DIP2C: variants seen among roughly 807,000 people sequenced by gnomAD.
DIP2C encodes disco-interacting protein 2 homolog C.
A neutral mutation model predicts 192.4 loss-of-function variants in DIP2C; 33 were observed. The observed-to-expected ratio is 0.17, with a 90% CI of 0.13 to 0.23. The LOEUF (loss-of-function observed/expected upper bound fraction) is 0.23, where lower values mean the gene tolerates loss of function less well. Among genes scored for constraint, DIP2C ranks in the 10% least tolerant of loss-of-function variants. The pLI is 1.00. For synonymous variants in DIP2C, 979 were observed against 864.1 expected (o/e 1.13, Z -2.33); for missense variants, 1,537 against 2,110.1 (o/e 0.73, Z 5.32).
intron 3 of DIP2C, among the ~76,000 whole-genome samples, chr10:467,336 T>A (rs1331240021): frequency 2.3e-5 from 3 of 127,752 alleles, no homozygotes; most frequent in Non-Finnish European, 3.2e-5. Flanking sequence ...AACAATGAGA[T>A]CACATGGACA....
At chr10:428,392 C>G (rs761139972) in intron 4 of DIP2C, among the ~76,000 whole-genome samples, 1 of 152,166 alleles carries the variant, frequency 6.6e-6, no homozygotes, top group Admixed American at 6.5e-5. Flanking sequence ...GTCGTTTCAT[C>G]CGTGTTTATA....
chr10:473,274 T>C (rs951024311), intron 2 of DIP2C, among the ~76,000 whole-genome samples: 2 of 152,228 alleles, frequency 1.3e-5, no homozygotes, highest in Non-Finnish European at 2.9e-5. Flanking sequence ...TAGACAAAAC[T>C]AAGCCCCCAA....
chr10:431,575 CT>C (rs984481068), intron 4 of DIP2C, among the ~76,000 whole-genome samples: 1 of 152,174 alleles, frequency 6.6e-6, no homozygotes. Context: ...ACATGAGCCA[CT>C]TTTTTATTTC....
At chr10:621,538 C>A (rs1853852091) in intron 1 of DIP2C, among the ~76,000 whole-genome samples, 1 of 152,210 alleles carries the variant, frequency 6.6e-6, no homozygotes, top group Admixed American at 6.5e-5. Context: ...TACATCTGTC[C>A]CTGCAGCCTG....
chr10:444,735 C>T (rs1053078487), intron 3 of DIP2C, among the ~76,000 whole-genome samples: 9 of 152,228 alleles, frequency 5.9e-5, no homozygotes, highest in Middle Eastern at 3.2e-3. Context: ...TGGAACTCAT[C>T]GCCGTTGCCT....
intron 1 of DIP2C, among the ~76,000 whole-genome samples, chr10:563,653 A>G (rs901163806): frequency 3.2e-4 from 48 of 152,376 alleles, no homozygotes; most frequent in African/African-American, 1.1e-3. Context: ...AGCATTTGTT[A>G]GCAAAGCAAG....
intron 14 of DIP2C, among the ~76,000 whole-genome samples, chr10:387,172 C>CA (rs1963022590): frequency 6.6e-6 from 1 of 152,214 alleles, no homozygotes; most frequent in Admixed American, 6.5e-5. Context: ...TACTGAATGC[C>CA]AAAAGTGCGG....
At chr10:508,656 A>AT (rs1039264420) in intron 1 of DIP2C, among the ~76,000 whole-genome samples, 12 of 152,088 alleles carry the variant, frequency 7.9e-5, no homozygotes, top group Non-Finnish European at 1.6e-4. Flanking sequence ...GCTGAATGGG[A>AT]TCATGCAAAG....
intron 2 of DIP2C, among the ~76,000 whole-genome samples, chr10:477,198 C>G (rs1038071184): frequency 3.7e-5 from 5 of 135,022 alleles, no homozygotes; most frequent in Non-Finnish European, 6.3e-5. Context: ...AAAGAATAGA[C>G]AAATGGATGG....
chr10:340,785 G>A (rs1240068034), intron 29 of DIP2C: 1 of 458,214 alleles, frequency 2.2e-6, no homozygotes, highest in Admixed American at 2.3e-5. Flanking sequence ...TCACCTCTGG[G>A]CTTGCCCAGC....
At chr10:520,644 G>A (rs199572066) in intron 1 of DIP2C, among the ~76,000 whole-genome samples, 2 of 152,252 alleles carry the variant, frequency 1.3e-5, no homozygotes, top group African/African-American at 2.4e-5. Context: ...AGCTCCTTCC[G>A]CACTCCCCCG....
chr10:621,288 T>G (rs970838517), intron 1 of DIP2C, among the ~76,000 whole-genome samples: 2 of 150,844 alleles, frequency 1.3e-5, no homozygotes, highest in African/African-American at 4.9e-5. Flanking sequence ...ACACGCTCTG[T>G]ACACATCTGT....
At chr10:646,630 T>G (rs1855472078) in intron 1 of DIP2C, among the ~76,000 whole-genome samples, 1 of 152,248 alleles carries the variant, frequency 6.6e-6, no homozygotes, top group African/African-American at 2.4e-5. Context: ...CGTACATTAA[T>G]TTTTATAGCA....
At chr10:357,790 C>A (rs751765370) in intron 23 of DIP2C, 38 bp downstream of exon 23, 3 of 1,521,842 alleles carry the variant, frequency 2.0e-6, no homozygotes, top group South Asian at 2.3e-5. Context: ...TCGGAAAAGT[C>A]GGGGACGGTC....
At chr10:280,007 C>T (rs995206571) in intron 36 of DIP2C, among the ~76,000 whole-genome samples, 1 of 152,154 alleles carries the variant, frequency 6.6e-6, no homozygotes, top group Non-Finnish European at 1.5e-5. Flanking sequence ...GCTATTTAGA[C>T]GGAAAATAAG....
At position 651,579 on chromosome 10, in the gene DIP2C, AT is replaced by A; in HGVS notation, c.85+37914del. Reference sequence around the variant, plus strand: ...TTCCAGTTAAATGTTGTTAAGCAGTATTTCCCCCAAAAGGTGCATCTTTTAT... The same window carrying A: ...TTCCAGTTAAATGTTGTTAAGCAGTATTCCCCCAAAAGGTGCATCTTTTAT... On this transcript the variant is annotated intron_variant, in intron 1 of 36. Transcript: ENST00000280886. This position sits in a 1 kb window ranked among gnomAD's most constrained non-coding sequence, Gnocchi z 4.1. 1 of 392,406 alleles carries A rather than the reference AT, an allele frequency of 2.5e-6. No homozygotes were observed. Among genetic ancestry groups the A allele is most frequent in the South Asian group, 2.1e-5 (1 of 47,056 alleles). 24.3% of individuals were successfully genotyped at this position (392,406 alleles called of 1,614,324 possible). A position where few individuals can be genotyped will look rare whatever the true frequency, so the allele number is the denominator to read the frequency against.
chr10:449,637 C>A, intron 3 of DIP2C, among the ~76,000 whole-genome samples: 1 of 46,020 alleles, frequency 2.2e-5, no homozygotes, highest in African/African-American at 9.9e-5. Context: ...GTGGTGGGGT[C>A]GGGGGAGGGG....
rs571487356 is a variant in DIP2C at position 674,718 on chromosome 10, G to A, written c.85+14776C>T. On this transcript the variant is annotated intron_variant, in intron 1 of 36. Transcript: ENST00000280886. Reference sequence around the variant, plus strand: ...TGGGAGGTGGAGGTTGCAATGAGTCGAGATTGCACCACTGCACTCCAGCCT... The same window carrying A: ...TGGGAGGTGGAGGTTGCAATGAGTCAAGATTGCACCACTGCACTCCAGCCT... 3.7e-4 allele frequency among the ~76,000 whole-genome samples: 54 copies of A among 147,764 alleles called. No individual in the cohort carries two copies. In the South Asian group the frequency reaches 4.3e-3, roughly 12 times the overall value.
At chr10:510,986 A>G (rs1324462563) in intron 1 of DIP2C, among the ~76,000 whole-genome samples, 1 of 152,202 alleles carries the variant, frequency 6.6e-6, no homozygotes, top group African/African-American at 2.4e-5. Context: ...CTGAATATTG[A>G]CCACAGCAAA....
Sources: allele counts gnomAD v4.1 joint callset (sites outside exome capture counted in the v4.1 genomes callset), GRCh38; gene constraint gnomAD v4.1.1; non-coding constraint Gnocchi (gnomAD v3.1); transcripts MANE v1.5; gene names NCBI Gene and HGNC (gene_info 2026-07-23, HGNC 2026-07-21).